The following PLA2R1 variants were observed in gnomAD, a reference collection of about 807,000 sequenced individuals.
PLA2R1 encodes the protein phospholipase A2 receptor 1.
Under a neutral mutation model 195.9 loss-of-function variants are expected in PLA2R1, and 158 were observed. That is an observed-to-expected ratio of 0.81 (90% confidence interval 0.71 to 0.92). The LOEUF is 0.92. Among genes scored for constraint, PLA2R1 ranks in the 40% least tolerant of loss-of-function variants. The probability of loss-of-function intolerance (pLI) is 0.00; values close to 1 mark genes in which losing one functional copy is unlikely to be tolerated. For missense variants in PLA2R1, 1,626 were observed against 1,764.6 expected, an observed-to-expected ratio of 0.92 and a Z score of 1.41; for synonymous variants, 586 against 598.2, an observed-to-expected ratio of 0.98 and a Z score of 0.30.
chr2:160,031,430 C>G (rs1381506241), intron 4 of PLA2R1, among the ~76,000 whole-genome samples: 1 of 152,048 alleles, frequency 6.6e-6, no homozygotes, highest in African/African-American at 2.4e-5. Flanking sequence ...ATAAAATAAC[C>G]AGATTACCAA....
At chr2:160,054,975 T>C (rs530091159) in intron 1 of PLA2R1, among the ~76,000 whole-genome samples, 8 of 152,220 alleles carry the variant, frequency 5.3e-5, no homozygotes, top group Non-Finnish European at 8.8e-5. Context: ...AAGGGGACCG[T>C]TTCTTCAGAA....
rs1686623111 is a variant in PLA2R1 at position 159,932,281 on chromosome 2, T to C, written c.*9497A>G. On this transcript the variant is annotated 3_prime_UTR_variant, in exon 30 of 30. Transcript: ENST00000283243. ...GTAGTGTGCAGAGATGGTTTTCTTT[T>C]GCACCTTTAGGTGTCATCTGGAGTA... The C allele has an allele frequency of 6.6e-6, 1 of 152,274 alleles. No homozygotes were observed. Among genetic ancestry groups the C allele is most frequent in the Admixed American group, 6.5e-5 (1 of 15,280 alleles). 9.4% of individuals were successfully genotyped at this position (152,274 alleles called of 1,614,324 possible). A position where few individuals can be genotyped will look rare whatever the true frequency, so the allele number is the denominator to read the frequency against.
rs757071331 is a variant in PLA2R1, at chr2:160,042,147, A to C, written c.545T>G (p.Phe182Cys). 2.5e-6 allele frequency: 4 copies of C among 1,613,976 alleles called. No homozygotes were observed. The East Asian group carries it at 8.9e-5, about 36-fold the overall frequency. ...NTHGMPCMFP[F>C]QYNHQWHHEC... ...ATGATGCCACTGATGGTTATACTGG[A>C]AGGGAAACATACACGGCATCCCGTG... Residue 182 changes from phenylalanine (F) to cysteine (C), a missense_variant, in exon 3 of 30, where the codon TTC becomes TGC. Phe to Cys is a radical substitution (Grantham distance 205, BLOSUM62 -2). Transcript: ENST00000283243.
At chr2:159,951,602 G>T in intron 23 of PLA2R1, 24 bp from the exon 24 acceptor site, 1 of 1,164,710 alleles carries the variant, frequency 8.6e-7, no homozygotes, top group Non-Finnish European at 1.3e-6. Context: ...AGCAACAAAA[G>T]TCATTTGCAG....
the PLA2R1 span, among the ~76,000 whole-genome samples, chr2:159,925,161 GCTAA>G: frequency 3.3e-5 from 5 of 150,696 alleles, no homozygotes; most frequent in Admixed American, 6.7e-5. Flanking sequence ...AAACAATGGT[GCTAA>G]CTCTTATTTT....
At position 159,976,193 on chromosome 2, in the gene PLA2R1, AT is replaced by A. The variant is rs1338864874; in HGVS notation, c.2469del (p.Glu823AspfsTer12). ...DVPWLFYQDA[E>X]YLFHTFASEW... Reference sequence around the variant, plus strand: ...TCTGAGGCAAAGGTATGAAAAAGGTATTCTGCATCCTGATAAAAGAGCCAGG... The same window carrying A: ...TCTGAGGCAAAGGTATGAAAAAGGTATCTGCATCCTGATAAAAGAGCCAGG... On this transcript the variant is annotated frameshift_variant, in exon 17 of 30. Transcript: ENST00000283243. LOFTEE classifies it high-confidence loss of function. The A allele has an allele frequency of 1.2e-6, 2 of 1,611,286 alleles. No individual in the cohort carries two copies. Among genetic ancestry groups the A allele is most frequent in the Non-Finnish European group, 1.7e-6 (2 of 1,177,916 alleles).
intron 1 of PLA2R1, among the ~76,000 whole-genome samples, chr2:160,060,313 C>T (rs559496897): frequency 2.0e-5 from 3 of 152,270 alleles, no homozygotes; most frequent in African/African-American, 7.2e-5. Context: ...GTAGCCATAC[C>T]TCAACTTCCA....
intron 4 of PLA2R1, among the ~76,000 whole-genome samples, chr2:160,031,765 T>A (rs1212660945): frequency 6.6e-6 from 1 of 152,170 alleles, no homozygotes; most frequent in Admixed American, 6.5e-5. Context: ...TTATTTTTTA[T>A]TTATGTATTT....
At chr2:159,961,179 A>C (rs1027145246) in intron 20 of PLA2R1, among the ~76,000 whole-genome samples, 2 of 152,228 alleles carry the variant, frequency 1.3e-5, no homozygotes, top group Non-Finnish European at 2.9e-5. Flanking sequence ...GTGGAATTTT[A>C]GGCATTAATG....
At chr2:159,951,191 G>A (rs1687715209) in intron 24 of PLA2R1, 149 bp downstream of exon 24, 2 of 606,120 alleles carry the variant, frequency 3.3e-6, no homozygotes, top group South Asian at 4.0e-5. Flanking sequence ...GGTTGGTCAG[G>A]TAATTGCATA....
rs1267684484 is a variant in PLA2R1, at chr2:159,938,730, C to T, written c.*3048G>A. 1 of 152,232 alleles carries T rather than the reference C, an allele frequency of 6.6e-6. No homozygotes were observed. Among genetic ancestry groups the T allele is most frequent in the Admixed American group, 6.5e-5 (1 of 15,284 alleles). The allele number at this position is 152,232 out of a possible 1,614,324, so 9.4% of individuals were successfully genotyped here. A position where few individuals can be genotyped will look rare whatever the true frequency, so the allele number is the denominator to read the frequency against. ...ATCCACAGTAAGTTGTCACCTTCTC[C>T]CCTCAACACTACCAGGACACAGCAA... On this transcript the variant is annotated 3_prime_UTR_variant, in exon 30 of 30. Transcript: ENST00000283243.
At chr2:159,972,077 A>T (rs1253421904) in intron 17 of PLA2R1, among the ~76,000 whole-genome samples, 1 of 152,152 alleles carries the variant, frequency 6.6e-6, no homozygotes, top group African/African-American at 2.4e-5. Flanking sequence ...GGGACTGGAA[A>T]TCATGGCCTG....
At chr2:160,048,838 ATTTTTTTTTTT>A (rs1205003993) in intron 1 of PLA2R1, among the ~76,000 whole-genome samples, 13 of 127,834 alleles carry the variant, frequency 1.0e-4, no homozygotes, top group Non-Finnish European at 2.0e-4. Context: ...TAGAAGAAAC[ATTTTTTTTTTT>A]TTTTTTTTTG....
intron 17 of PLA2R1, among the ~76,000 whole-genome samples, chr2:159,974,391 C>T (rs1322188284): frequency 2.0e-5 from 3 of 152,196 alleles, no homozygotes; most frequent in Admixed American, 2.0e-4. Flanking sequence ...TAATAATAGA[C>T]TTCCCACAGG....
chr2:160,027,612 T>C (rs994820664), intron 6 of PLA2R1, among the ~76,000 whole-genome samples: 4 of 152,178 alleles, frequency 2.6e-5, no homozygotes, highest in African/African-American at 9.6e-5. Flanking sequence ...AATGATTCTT[T>C]AAAAAATGGT....
chr2:160,043,098 G>A (rs1223687145), intron 2 of PLA2R1, among the ~76,000 whole-genome samples: 1 of 150,980 alleles, frequency 6.6e-6, no homozygotes, highest in Non-Finnish European at 1.5e-5. Context: ...TGGGTAGGGA[G>A]CCAGGGACGT....
intron 13 of PLA2R1, among the ~76,000 whole-genome samples, chr2:159,983,297 C>T (rs574849514): frequency 2.6e-4 from 40 of 152,160 alleles, no homozygotes; most frequent in African/African-American, 8.4e-4. Flanking sequence ...TAGCACAAGA[C>T]GGTTTAGAGT....
At chr2:159,946,938 A>G (rs768888237) in intron 26 of PLA2R1, 21 bp from the exon 27 acceptor site, 1 of 1,433,176 alleles carries the variant, frequency 7.0e-7, no homozygotes, top group South Asian at 1.2e-5. Context: ...GACAAGTAGC[A>G]AAGGAATATT....
intron 11 of PLA2R1, among the ~76,000 whole-genome samples, chr2:159,989,446 T>C (rs2105330083): frequency 6.6e-6 from 1 of 152,196 alleles, no homozygotes; most frequent in East Asian, 1.9e-4. Context: ...CCCCCGTCCT[T>C]TGAGGGGCCC....
Sources: allele counts gnomAD v4.1 joint callset (sites outside exome capture counted in the v4.1 genomes callset), GRCh38; gene constraint gnomAD v4.1.1; transcripts MANE v1.5; gene names NCBI Gene and HGNC (gene_info 2026-07-23, HGNC 2026-07-21).